GNAO1: variants seen among roughly 807,000 people sequenced by gnomAD.
GNAO1 encodes G protein subunit alpha o1.
For missense variants in GNAO1, 166 were observed against 478.7 expected, an observed-to-expected ratio of 0.35 and a Z score of 6.10; for synonymous variants, 164 against 180.7, an observed-to-expected ratio of 0.91 and a Z score of 0.74.
chr16:56,196,558 T>G (rs1385409693), intron 2 of GNAO1, among the ~76,000 whole-genome samples: 1 of 152,232 alleles, frequency 6.6e-6, no homozygotes, highest in Non-Finnish European at 1.5e-5. Context: ...ACTTGGACCA[T>G]GTACCTGGTG....
At position 56,228,424 on chromosome 16, in the gene GNAO1, TGTGA is replaced by T. The variant is rs1264733714; in HGVS notation, c.161+35812_161+35815del. 9.2e-5 allele frequency among the ~76,000 whole-genome samples: 14 copies of T among 151,788 alleles called. No individual in the cohort carries two copies. In the South Asian group the frequency reaches 1.0e-3, roughly 11 times the overall value. On this transcript the variant is annotated intron_variant, in intron 2 of 8. Coordinates refer to ENST00000262493, the MANE Select transcript of GNAO1 (RefSeq NM_020988.3). ...ATATGTGAGTGTGTGTGTGTATATA[TGTGA>T]GTGTGTGTGTATATATATATACATA...
intron 2 of GNAO1, among the ~76,000 whole-genome samples, chr16:56,259,798 T>G (rs1314468484): frequency 6.6e-6 from 1 of 152,240 alleles, no homozygotes; most frequent in Non-Finnish European, 1.5e-5. Flanking sequence ...AACAGAAATC[T>G]TCTGATTGTT....
chr16:56,227,615 G>A (rs2036543619), intron 2 of GNAO1, among the ~76,000 whole-genome samples: 2 of 149,620 alleles, frequency 1.3e-5, no homozygotes, highest in Admixed American at 6.7e-5. Flanking sequence ...TTAAGCCCAG[G>A]AGGTCAAGGC....
At position 56,192,723 on chromosome 16, in the gene GNAO1, C is replaced by CGT. The variant is rs200138782; in HGVS notation, c.161+109_161+110dup. The CGT allele has an allele frequency of 6.3e-3, 3,938 of 621,158 alleles. 88 individuals are homozygous for CGT. The African/African-American group carries it at 0.076, about 12-fold the overall frequency. 38.5% of individuals were successfully genotyped at this position (621,158 alleles called of 1,614,324 possible). ...TGCTCTCCAGGCCTGTTTTTTAATT[C>CGT]GTGCACACACACACACACACACACA... On this transcript the variant is annotated intron_variant, in intron 2 of 8. Coordinates refer to ENST00000262493, the MANE Select transcript of GNAO1 (RefSeq NM_020988.3).
intron 2 of GNAO1, among the ~76,000 whole-genome samples, chr16:56,225,838 T>A (rs2036528669): frequency 6.6e-6 from 1 of 151,834 alleles, no homozygotes; most frequent in Admixed American, 6.6e-5. Flanking sequence ...CTGAGTGCCA[T>A]GAAGAATGTG....
chr16:56,323,005 G>T (rs1465953234), intron 3 of GNAO1, among the ~76,000 whole-genome samples: 1 of 152,212 alleles, frequency 6.6e-6, no homozygotes, highest in African/African-American at 2.4e-5. Flanking sequence ...TACAGCACCA[G>T]CTGTACCATG....
chr16:56,346,801 C>G (rs1446866065), intron 6 of GNAO1: 3 of 985,360 alleles, frequency 3.0e-6, no homozygotes, highest in Non-Finnish European at 3.6e-6. Flanking sequence ...CTGGTCTTCT[C>G]TGAGTATTCT....
intron 8 of GNAO1, 39 bp downstream of exon 8, chr16:56,355,120 G>A (rs1041091207): frequency 6.8e-5 from 55 of 812,666 alleles, no homozygotes; most frequent in African/African-American, 4.4e-4. Flanking sequence ...TTGCGTGCGC[G>A]CGCATACACA....
chr16:56,264,289 C>T (rs1372335088), intron 2 of GNAO1, among the ~76,000 whole-genome samples: 1 of 152,238 alleles, frequency 6.6e-6, no homozygotes, highest in African/African-American at 2.4e-5. Flanking sequence ...ACCCAGAAGG[C>T]GAGAAGGAAC....
At chr16:56,292,551 A>G (rs2037242593) in intron 3 of GNAO1, among the ~76,000 whole-genome samples, 1 of 152,050 alleles carries the variant, frequency 6.6e-6, no homozygotes, top group African/African-American at 2.4e-5. Flanking sequence ...TTGTAGAGAT[A>G]GGGTTACATT....
chr16:56,330,313 C>T (rs539051927), intron 4 of GNAO1, among the ~76,000 whole-genome samples: 5 of 152,298 alleles, frequency 3.3e-5, no homozygotes, highest in Admixed American at 2.0e-4. Context: ...CCTTCTTCCA[C>T]TCCCTGTCCC....
intron 2 of GNAO1, among the ~76,000 whole-genome samples, chr16:56,221,674 A>C (rs1194747265): frequency 7.1e-5 from 10 of 141,294 alleles, no homozygotes; most frequent in African/African-American, 2.6e-4. Flanking sequence ...AAAAAAAAAA[A>C]CATGGGACCA....
chr16:56,349,867 G>C (rs1218172057), intron 6 of GNAO1, among the ~76,000 whole-genome samples: 1 of 152,212 alleles, frequency 6.6e-6, no homozygotes, highest in East Asian at 1.9e-4. Flanking sequence ...GGGAGGACTG[G>C]CCGTAAGACG....
chr16:56,310,050 AC>A (rs55692330), intron 3 of GNAO1, among the ~76,000 whole-genome samples: 55,072 of 152,014 alleles, frequency 0.36, 11,531 homozygotes, highest in Non-Finnish European at 0.48. Flanking sequence ...AGTGGCTTAT[AC>A]CTATAATCCA....
At chr16:56,192,743 C>CAT in intron 2 of GNAO1, 127 bp downstream of exon 2, 1 of 671,658 alleles carries the variant, frequency 1.5e-6, no homozygotes, top group East Asian at 2.8e-5. Context: ...CACACACACA[C>CAT]ACACACACCC....
At position 56,213,036 on chromosome 16, in the gene GNAO1, C is replaced by T. The variant is rs528464969; in HGVS notation, c.161+20420C>T. 1.8e-4 allele frequency among the ~76,000 whole-genome samples: 28 copies of T among 152,342 alleles called. 1 individual carries two copies. Among genetic ancestry groups the T allele is most frequent in the African/African-American group, 6.5e-4 (27 of 41,584 alleles). On this transcript the variant is annotated intron_variant, in intron 2 of 8. Coordinates refer to ENST00000262493, the MANE Select transcript of GNAO1 (RefSeq NM_020988.3). ...GAGCCCTGCCCGGTGGCCAGCACCA[C>T]GGACATCTGCTCACCTGTGGCAGAA... is the stretch of plus-strand genomic sequence containing the variant.
chr16:56,255,817 A>T (rs1468902290), intron 2 of GNAO1, among the ~76,000 whole-genome samples: 1 of 152,072 alleles, frequency 6.6e-6, no homozygotes, highest in African/African-American at 2.4e-5. Flanking sequence ...TCCCTTATAA[A>T]TTATATATCT....
rs1013389977 is a variant in GNAO1, at chr16:56,340,606, C to G, written c.723+3746C>G. 2.0e-5 allele frequency: 11 copies of G among 538,554 alleles called. No individual in the cohort carries two copies. The African/African-American group carries it at 2.1e-4, about 10-fold the overall frequency. The allele number at this position is 538,554 out of a possible 1,614,324, so 33.4% of individuals were successfully genotyped here. On this transcript the variant is annotated intron_variant, in intron 6 of 8. Coordinates refer to ENST00000262493, the MANE Select transcript of GNAO1 (RefSeq NM_020988.3). The stretch of plus-strand genomic sequence containing the variant: ...TGGAAGGGGGCAGCATCCCCCAACC[C>G]TGCCCGGCCCTGCTCCGCCCCGCCC...
intron 5 of GNAO1, among the ~76,000 whole-genome samples, chr16:56,335,121 G>C (rs1477347464): frequency 6.6e-6 from 1 of 152,216 alleles, no homozygotes; most frequent in Non-Finnish European, 1.5e-5. Context: ...GGGGCAGCCT[G>C]TCCCTGAGGT....
Sources: gnomAD v4.1 joint callset for allele counts (sites outside exome capture counted in the v4.1 genomes callset) on GRCh38, gnomAD v4.1.1 for gene constraint, MANE v1.5 for transcripts, NCBI Gene and HGNC (gene_info 2026-07-23, HGNC 2026-07-21) for gene names.